NTRK2: variants seen among roughly 807,000 people sequenced by gnomAD.
NTRK2 encodes the protein neurotrophic receptor tyrosine kinase 2, also known as BDNF/NT-3 growth factors receptor.
A neutral mutation model predicts 94.5 loss-of-function variants in NTRK2; 13 were observed. The observed-to-expected ratio is 0.14, with a 90% confidence interval of 0.09 to 0.22. The LOEUF is 0.22. NTRK2 is among the 10% of genes least tolerant of loss of function. The pLI is 1.00. For missense variants in NTRK2, 639 were observed against 1,071.2 expected (o/e 0.60, Z 5.63); for synonymous variants, 372 against 407.4 (o/e 0.91, Z 1.05).
At chr9:84,846,888 T>G (rs1204298250) in intron 12 of NTRK2, among the ~76,000 whole-genome samples, 1 of 152,194 alleles carries the variant, frequency 6.6e-6, no homozygotes, top group Non-Finnish European at 1.5e-5. Flanking sequence ...AAATGCTCAT[T>G]TCTTCATAGG....
chr9:84,760,315 C>A (rs1457444325), intron 12 of NTRK2, among the ~76,000 whole-genome samples: 1 of 152,120 alleles, frequency 6.6e-6, no homozygotes, highest in East Asian at 1.9e-4. Flanking sequence ...TAAACTAATT[C>A]TCTAAGAGGT....
intron 14 of NTRK2, among the ~76,000 whole-genome samples, chr9:84,881,492 A>C (rs2076253191): frequency 6.6e-6 from 1 of 152,252 alleles, no homozygotes; most frequent in Non-Finnish European, 1.5e-5. Flanking sequence ...TGTTCAACGA[A>C]CAAACAAGTG....
intron 14 of NTRK2, among the ~76,000 whole-genome samples, chr9:84,868,637 AAGG>A (rs2075704458): frequency 6.6e-6 from 1 of 152,176 alleles, no homozygotes; most frequent in Non-Finnish European, 1.5e-5. Context: ...AGTTGAAATT[AAGG>A]TATTATTAAT....
At chr9:84,721,034 AT>A (rs1315384167) in intron 6 of NTRK2, among the ~76,000 whole-genome samples, 1 of 152,160 alleles carries the variant, frequency 6.6e-6, no homozygotes, top group South Asian at 2.1e-4. Flanking sequence ...ATATTGGCAC[AT>A]TTTTTTCCTT....
intron 2 of NTRK2, among the ~76,000 whole-genome samples, chr9:84,678,980 C>A (rs1476168420): frequency 6.6e-6 from 1 of 152,112 alleles, no homozygotes; most frequent in Non-Finnish European, 1.5e-5. Flanking sequence ...TTGATTAGGA[C>A]ATAAAGGCAA....
At chr9:84,956,056 C>G (rs1000476241) in intron 17 of NTRK2, among the ~76,000 whole-genome samples, 2 of 152,152 alleles carry the variant, frequency 1.3e-5, no homozygotes, top group Non-Finnish European at 2.9e-5. Context: ...AACTGAGGGC[C>G]TGGGGGAATT....
At chr9:84,877,893 C>T in intron 14 of NTRK2, 1 of 1,023,976 alleles carries the variant, frequency 9.8e-7, no homozygotes, top group Non-Finnish European at 1.2e-6. Flanking sequence ...ACAAGACTGT[C>T]ATATATGTGG....
At chr9:84,835,273 C>T (rs55977431) in intron 12 of NTRK2, among the ~76,000 whole-genome samples, 25,922 of 152,098 alleles carry the variant, frequency 0.17, 2,496 homozygotes, top group African/African-American at 0.27. Context: ...CATCTTTCCT[C>T]GCTTGCCCCT....
Position 84,768,930 on chromosome 9 carries a change from G to A in NTRK2, c.1396+16845G>A, listed in dbSNP as rs144118444. 1.5e-3 allele frequency among the ~76,000 whole-genome samples: 228 copies of A among 152,290 alleles called. 1 individual carries two copies. Among genetic ancestry groups the A allele is most frequent in the African/African-American group, 4.8e-3 (200 of 41,574 alleles). ...GATAGACATCCCCTGCGGGACAGTA[G>A]AGGATGAGGAACCTGATTAGATGTG... On this transcript the variant is annotated intron_variant, in intron 12 of 18. Coordinates refer to ENST00000277120, the MANE Select transcript of NTRK2 (RefSeq NM_006180.6).
chr9:84,728,305 G>A (rs1383977088), intron 9 of NTRK2, among the ~76,000 whole-genome samples: 1 of 152,132 alleles, frequency 6.6e-6, no homozygotes, highest in African/African-American at 2.4e-5. Flanking sequence ...GCAAGTCACA[G>A]GGCCAAAGCC....
chr9:84,783,087 G>A (rs1024631728), intron 12 of NTRK2, among the ~76,000 whole-genome samples: 9 of 151,016 alleles, frequency 6.0e-5, no homozygotes, highest in Admixed American at 1.3e-4. Context: ...ATGTCCTCTC[G>A]CTGTCCCACC....
intron 14 of NTRK2, chr9:84,874,750 A>T (rs1050146237): frequency 9.4e-7 from 1 of 1,060,618 alleles, no homozygotes; most frequent in Admixed American, 5.4e-5. Context: ...CAGCCCGAGG[A>T]GGAGATGAAT....
At chr9:84,821,107 T>G (rs1337710538) in intron 12 of NTRK2, among the ~76,000 whole-genome samples, 1 of 152,220 alleles carries the variant, frequency 6.6e-6, no homozygotes, top group Non-Finnish European at 1.5e-5. Context: ...TGTTTTCTTT[T>G]TTTTATTTCT....
intron 9 of NTRK2, among the ~76,000 whole-genome samples, chr9:84,733,790 G>A (rs1403974364): frequency 2.0e-5 from 3 of 152,218 alleles, no homozygotes; most frequent in African/African-American, 7.2e-5. Context: ...GGAGGACAAA[G>A]ACACCTCTTT....
intron 10 of NTRK2, among the ~76,000 whole-genome samples, chr9:84,742,643 G>A (rs2063734241): frequency 6.6e-6 from 1 of 151,998 alleles, no homozygotes; most frequent in South Asian, 2.1e-4. Context: ...TTACTGCTAA[G>A]AGGGATGGAT....
intron 8 of NTRK2, among the ~76,000 whole-genome samples, chr9:84,727,387 T>G (rs2062540727): frequency 6.6e-6 from 1 of 152,206 alleles, no homozygotes; most frequent in Non-Finnish European, 1.5e-5. Flanking sequence ...GAGCTGGTTT[T>G]CACTTATACT....
chr9:84,719,205 T>C (rs1455720474), intron 6 of NTRK2, among the ~76,000 whole-genome samples: 1 of 152,176 alleles, frequency 6.6e-6, no homozygotes, highest in Non-Finnish European at 1.5e-5. Flanking sequence ...TAGGTCTATA[T>C]GTACTCGGAC....
At chr9:84,921,318 T>G (rs962496966) in intron 14 of NTRK2, among the ~76,000 whole-genome samples, 2 of 152,222 alleles carry the variant, frequency 1.3e-5, no homozygotes, top group African/African-American at 2.4e-5. Context: ...GTCTTCCAGC[T>G]GACAGAAGCA....
intron 17 of NTRK2, among the ~76,000 whole-genome samples, chr9:84,991,364 C>T (rs1314843739): frequency 6.6e-6 from 1 of 152,146 alleles, no homozygotes; most frequent in Admixed American, 6.5e-5. Context: ...GTGGATGTGG[C>T]GATATGAACA....
Sources: gnomAD v4.1 joint callset for allele counts (sites outside exome capture counted in the v4.1 genomes callset) on GRCh38, gnomAD v4.1.1 for gene constraint, MANE v1.5 for transcripts, NCBI Gene and HGNC (gene_info 2026-07-23, HGNC 2026-07-21) for gene names.